The following CADM2 variants were observed in gnomAD, a reference collection of about 807,000 sequenced individuals.
The protein encoded by CADM2 is immunoglobulin superfamily member 4D.
CADM2 carries 12 observed loss-of-function variants against 49.8 expected under a neutral mutation model. The ratio of observed to expected loss-of-function variants is 0.24; its 90% CI spans 0.15 to 0.39. The LOEUF is 0.39. CADM2 is among the 10% of genes least tolerant of loss of function. The pLI is 1.00. For synonymous variants in CADM2, 214 were observed against 175.4 expected (o/e 1.22, Z -1.74); for missense variants, 378 against 492.3 (o/e 0.77, Z 2.20).
intron 1 of CADM2, among the ~76,000 whole-genome samples, chr3:85,189,522 A>C (rs1385077009): frequency 1.3e-5 from 2 of 152,190 alleles, no homozygotes; most frequent in African/African-American, 2.4e-5. Context: ...ATATACATTT[A>C]GGTTCTGAAA....
chr3:85,723,744 C>G (rs574785073), intron 1 of CADM2, among the ~76,000 whole-genome samples: 7 of 152,140 alleles, frequency 4.6e-5, no homozygotes, highest in African/African-American at 1.7e-4. Context: ...CTTTATCCAT[C>G]ATTATTTCAC....
At chr3:85,146,752 A>G (rs558190038) in intron 1 of CADM2, among the ~76,000 whole-genome samples, 1 of 152,340 alleles carries the variant, frequency 6.6e-6, no homozygotes, top group East Asian at 1.9e-4. Flanking sequence ...AGAGAAACAT[A>G]CAGTATAAAT....
In CADM2 at chr3:85,307,924, G is replaced by A. The variant is rs2044251583; in HGVS notation, c.61+348256G>A. Among the ~76,000 whole-genome samples the A allele has an allele frequency of 2.8e-5, 4 of 145,242 alleles. No homozygotes were observed. In the South Asian group the frequency reaches 6.4e-4, roughly 23 times the overall value. ...ATAGGTACACATTTTTTCCAAAACT[G>A]TACCCCCAGAAAAATTAGAAAAAAA... is the stretch of plus-strand genomic sequence containing the variant. On this transcript the variant is annotated intron_variant, in intron 1 of 9. Coordinates refer to ENST00000383699, the MANE Select transcript of CADM2 (RefSeq NM_001167675.2).
intron 1 of CADM2, among the ~76,000 whole-genome samples, chr3:85,480,248 T>C (rs1447228863): frequency 6.6e-6 from 1 of 151,962 alleles, no homozygotes; most frequent in Non-Finnish European, 1.5e-5. Context: ...TACTCCATTA[T>C]AAATTTAGAT....
rs148276226 is a variant in CADM2, at chr3:85,922,575, TG to T, written c.700+10033del. Reference sequence around the variant, plus strand: ...CAAATTGCGCAATAATTGGCATGCATGATCCTGAAATATACCCATCTTGTAA... The same window carrying T: ...CAAATTGCGCAATAATTGGCATGCATATCCTGAAATATACCCATCTTGTAA... On this transcript the variant is annotated intron_variant, in intron 6 of 9. Coordinates refer to ENST00000383699, the MANE Select transcript of CADM2 (RefSeq NM_001167675.2). Among the ~76,000 whole-genome samples, 978 of 152,198 alleles carry T rather than the reference TG, an allele frequency of 6.4e-3. 10 individuals are homozygous for T. Among genetic ancestry groups the T allele is most frequent in the African/African-American group, 0.022 (933 of 41,554 alleles).
intron 1 of CADM2, among the ~76,000 whole-genome samples, chr3:85,218,520 A>G (rs1442667008): frequency 6.6e-6 from 1 of 152,100 alleles, no homozygotes; most frequent in Admixed American, 6.6e-5. Flanking sequence ...TAGGGAGGTA[A>G]AGTGTACAGG....
At chr3:85,105,989 A>T (rs911291445) in intron 1 of CADM2, among the ~76,000 whole-genome samples, 3 of 152,124 alleles carry the variant, frequency 2.0e-5, no homozygotes, top group Non-Finnish European at 4.4e-5. Flanking sequence ...GATATACCTA[A>T]TGCTAAATGA....
chr3:85,302,384 T>C (rs1052912398), intron 1 of CADM2, among the ~76,000 whole-genome samples: 8 of 152,050 alleles, frequency 5.3e-5, no homozygotes, highest in African/African-American at 1.9e-4. Flanking sequence ...CCTGAGTATG[T>C]CCATTAAAAA....
chr3:85,460,922 C>T (rs931847810), intron 1 of CADM2, among the ~76,000 whole-genome samples: 1 of 152,108 alleles, frequency 6.6e-6, no homozygotes, highest in African/African-American at 2.4e-5. Context: ...TGAATATTAG[C>T]TCTGTCCTTG....
intron 1 of CADM2, among the ~76,000 whole-genome samples, chr3:85,484,529 C>T (rs2039340417): frequency 6.6e-6 from 1 of 151,922 alleles, no homozygotes. Flanking sequence ...CCAACAGCTA[C>T]ATCCATACTA....
intron 1 of CADM2, among the ~76,000 whole-genome samples, chr3:85,703,291 T>C (rs2066840163): frequency 6.6e-6 from 1 of 152,030 alleles, no homozygotes; most frequent in Non-Finnish European, 1.5e-5. Context: ...ACAGGGAAAA[T>C]CAGGACTGCT....
chr3:85,047,728 C>T (rs1463139155), intron 1 of CADM2, among the ~76,000 whole-genome samples: 1 of 152,052 alleles, frequency 6.6e-6, no homozygotes, highest in African/African-American at 2.4e-5. Context: ...ACTTGAACTC[C>T]TATATCCAAT....
At chr3:85,797,800 G>T (rs548813564) in intron 2 of CADM2, among the ~76,000 whole-genome samples, 1 of 152,252 alleles carries the variant, frequency 6.6e-6, no homozygotes, top group Admixed American at 6.5e-5. Context: ...GGGTCAAATG[G>T]TATTTCTAGT....
chr3:85,035,032 A>C (rs1216479138), intron 1 of CADM2, among the ~76,000 whole-genome samples: 1 of 151,874 alleles, frequency 6.6e-6, no homozygotes, highest in Non-Finnish European at 1.5e-5. Context: ...CGAAGTCCTG[A>C]TCTTGTGGTC....
intron 1 of CADM2, among the ~76,000 whole-genome samples, chr3:85,671,937 CA>C (rs1221185376): frequency 6.6e-6 from 1 of 151,946 alleles, no homozygotes; most frequent in Non-Finnish European, 1.5e-5. Flanking sequence ...ATTACATTTT[CA>C]AAATTGATGT....
chr3:85,457,643 T>C (rs2038054354), intron 1 of CADM2, among the ~76,000 whole-genome samples: 2 of 152,124 alleles, frequency 1.3e-5, no homozygotes, highest in Non-Finnish European at 2.9e-5. Flanking sequence ...ATTATCTTAT[T>C]TTTAGGACAT....
rs144645133 is a variant in CADM2, at chr3:85,423,740, C to T, written c.62-302782C>T. Among the ~76,000 whole-genome samples the T allele has an allele frequency of 2.5e-3, 380 of 152,234 alleles. 2 individuals carry two copies. The highest frequency in any genetic ancestry group is 8.5e-3 in the African/African-American group (353 of 41,536). Reference sequence around the variant, plus strand: ...TCCCTCTAACATCCAACAGCATGCACGTCTCATTGCTATGCATTCTCTCAG... The same window carrying T: ...TCCCTCTAACATCCAACAGCATGCATGTCTCATTGCTATGCATTCTCTCAG... On this transcript the variant is annotated intron_variant, in intron 1 of 9. Coordinates refer to ENST00000383699, the MANE Select transcript of CADM2 (RefSeq NM_001167675.2).
At chr3:86,014,704 AC>A in intron 8 of CADM2, 2 of 1,527,106 alleles carry the variant, frequency 1.3e-6, no homozygotes, top group Non-Finnish European at 1.8e-6. Context: ...CCGGAGGAAC[AC>A]CATGCTGACA....
intron 1 of CADM2, among the ~76,000 whole-genome samples, chr3:85,639,851 A>C (rs905925248): frequency 7.9e-5 from 12 of 152,220 alleles, no homozygotes; most frequent in African/African-American, 2.9e-4. Context: ...TAAATAAAAA[A>C]AATGACATGA....
Sources: allele counts gnomAD v4.1 joint callset (sites outside exome capture counted in the v4.1 genomes callset), GRCh38; gene constraint gnomAD v4.1.1; transcripts MANE v1.5; gene names NCBI Gene and HGNC (gene_info 2026-07-23, HGNC 2026-07-21).